The following ARL8B variants were observed in gnomAD, a reference collection of about 807,000 sequenced individuals.
The protein encoded by ARL8B is ARF like GTPase 8B, also known as ADP-ribosylation factor-like protein 8B.
In ARL8B, 9 loss-of-function variants were observed where a neutral mutation model predicts 30.6. That is an observed-to-expected ratio of 0.29 (90% CI 0.18 to 0.51). The LOEUF is 0.51. Among genes scored for constraint, ARL8B ranks in the 20% least tolerant of loss-of-function variants. The pLI is 0.97. For missense variants in ARL8B, 130 were observed against 227.2 expected, an observed-to-expected ratio of 0.57 and a Z score of 2.75; for synonymous variants, 74 against 76.0, an observed-to-expected ratio of 0.97 and a Z score of 0.14.
rs567563499 is a variant in ARL8B at position 5,167,479 on chromosome 3, A to G, written c.124-3024A>G. 2.0e-5 allele frequency among the ~76,000 whole-genome samples: 3 copies of G among 152,344 alleles called. No homozygotes were observed. The East Asian group carries it at 5.8e-4, about 29-fold the overall frequency. The stretch of plus-strand genomic sequence containing the variant: ...AGGGTTAGGTTCTATCTGTGATGTC[A>G]GGCATCCACTGGGGTTCTTGGAACG... On this transcript the variant is annotated intron_variant, in intron 1 of 6. Transcript: ENST00000256496.
intron 1 of ARL8B, among the ~76,000 whole-genome samples, chr3:5,164,727 C>A (rs537680391): frequency 3.9e-5 from 6 of 152,130 alleles, no homozygotes; most frequent in African/African-American, 1.4e-4. Flanking sequence ...GTCAGTTGAC[C>A]CAATAATATC....
At chr3:5,124,271 T>G (rs2054209968) in intron 1 of ARL8B, among the ~76,000 whole-genome samples, 1 of 144,922 alleles carries the variant, frequency 6.9e-6, no homozygotes, top group Non-Finnish European at 1.5e-5. Context: ...TTTTTTTTTT[T>G]TTTTTTTTTT....
intron 1 of ARL8B, among the ~76,000 whole-genome samples, chr3:5,159,252 A>T (rs1398634867): frequency 2.1e-5 from 3 of 142,996 alleles, no homozygotes; most frequent in African/African-American, 8.0e-5. Flanking sequence ...GTGAGCCACG[A>T]TCGCATCAGT....
intron 6 of ARL8B, among the ~76,000 whole-genome samples, chr3:5,175,720 C>T (rs1428266741): frequency 6.6e-6 from 1 of 152,150 alleles, no homozygotes; most frequent in South Asian, 2.1e-4. Flanking sequence ...GTAGAAGATC[C>T]CTCCTTGCCT....
Position 5,170,733 on chromosome 3 carries a change from T to G in ARL8B, c.204+150T>G, listed in dbSNP as rs568614469. On this transcript the variant is annotated intron_variant, in intron 2 of 6. Transcript: ENST00000256496. ...AAGAATAGGTTTTTTTGTTGTTGTT[T>G]TTTTGTTTTTTTTTTGGAAACAGAG... 59 of 591,338 alleles carry G rather than the reference T, an allele frequency of 1.0e-4. 1 individual carries two copies. The highest frequency in any genetic ancestry group is 4.9e-4 in the Admixed American group (14 of 28,476). The allele number at this position is 591,338 out of a possible 1,614,324, so 36.6% of individuals were successfully genotyped here.
rs57238575 is a variant in ARL8B at position 5,147,850 on chromosome 3, C to T, written c.124-22653C>T. 4.0e-5 allele frequency among the ~76,000 whole-genome samples: 6 copies of T among 151,154 alleles called. No individual in the cohort carries two copies. In the East Asian group the frequency reaches 9.7e-4, roughly 24 times the overall value. ...TAATTTTCTCATGTGATTTTTGAGC[C>T]TCTACAGGAATGCGGAGGGAATTTT... On this transcript the variant is annotated intron_variant, in intron 1 of 6. Transcript: ENST00000256496.
At chr3:5,142,111 A>G (rs757960492) in intron 1 of ARL8B, among the ~76,000 whole-genome samples, 32 of 152,134 alleles carry the variant, frequency 2.1e-4, no homozygotes, top group Non-Finnish European at 3.7e-4. Context: ...GGAATGGCCA[A>G]TTAGACTAAA....
At chr3:5,140,820 G>A (rs772067687) in intron 1 of ARL8B, among the ~76,000 whole-genome samples, 20 of 152,226 alleles carry the variant, frequency 1.3e-4, no homozygotes, top group South Asian at 4.2e-4. Flanking sequence ...GTTGGTTCAC[G>A]CCTGTGAGAA....
At chr3:5,170,411 TA>T (rs1030730052) in intron 1 of ARL8B, 91 bp from the exon 2 acceptor site, 4 of 755,616 alleles carry the variant, frequency 5.3e-6, no homozygotes, top group Non-Finnish European at 8.3e-6. Context: ...AAATATTTAC[TA>T]AAATGGTTAC....
At chr3:5,129,857 TTCTCTC>T (rs879714375) in intron 1 of ARL8B, among the ~76,000 whole-genome samples, 2 of 151,928 alleles carry the variant, frequency 1.3e-5, no homozygotes, top group East Asian at 3.9e-4. Context: ...ATTCTCCACA[TTCTCTC>T]TCTCTCTTTT....
intron 1 of ARL8B, among the ~76,000 whole-genome samples, chr3:5,122,851 G>C (rs768480928): frequency 2.0e-5 from 3 of 152,246 alleles, no homozygotes; most frequent in Admixed American, 6.5e-5. Context: ...CGCCGCGGGG[G>C]CTCGGAAAGA....
intron 1 of ARL8B, among the ~76,000 whole-genome samples, chr3:5,130,659 C>T (rs1469476884): frequency 6.6e-6 from 1 of 151,638 alleles, no homozygotes; most frequent in East Asian, 1.9e-4. Flanking sequence ...TCAGCCTCTC[C>T]CCAGTAGCTG....
intron 1 of ARL8B, among the ~76,000 whole-genome samples, chr3:5,166,576 A>G (rs1382370088): frequency 1.4e-5 from 2 of 142,042 alleles, no homozygotes; most frequent in Non-Finnish European, 3.1e-5. Flanking sequence ...GAGCTCAGGC[A>G]ATCCACCTGC....
At chr3:5,132,397 C>T (rs1453972785) in intron 1 of ARL8B, among the ~76,000 whole-genome samples, 1 of 152,098 alleles carries the variant, frequency 6.6e-6, no homozygotes, top group Non-Finnish European at 1.5e-5. Context: ...CCACCATGCC[C>T]TGCTAATTTT....
Position 5,123,093 on chromosome 3 carries a change from C to T in ARL8B, c.123+505C>T, listed in dbSNP as rs943575056. 3.3e-5 allele frequency among the ~76,000 whole-genome samples: 5 copies of T among 152,324 alleles called. No individual in the cohort carries two copies. In the Middle Eastern group the frequency reaches 0.014, roughly 414 times the overall value. On this transcript the variant is annotated intron_variant, in intron 1 of 6. Transcript: ENST00000256496. Reference sequence around the variant, plus strand: ...GCGGGAGACCAGTGTGAGCGCCTTCCTGAATTCTGTGGGCCGCTGGTCCCA... The same window carrying T: ...GCGGGAGACCAGTGTGAGCGCCTTCTTGAATTCTGTGGGCCGCTGGTCCCA...
At chr3:5,173,980 C>G (rs1417787998) in intron 4 of ARL8B, 37 bp from the exon 5 acceptor site, 1 of 1,457,594 alleles carries the variant, frequency 6.9e-7, no homozygotes, top group African/African-American at 1.4e-5. Context: ...CTTTTTCTTG[C>G]ATAAACGTGT....
chr3:5,143,365 G>T (rs2054391663), intron 1 of ARL8B, among the ~76,000 whole-genome samples: 1 of 152,128 alleles, frequency 6.6e-6, no homozygotes, highest in Non-Finnish European at 1.5e-5. Flanking sequence ...CTGCAATGTG[G>T]GAAAGAGCAG....
At chr3:5,151,828 C>T (rs1473151088) in intron 1 of ARL8B, among the ~76,000 whole-genome samples, 1 of 151,118 alleles carries the variant, frequency 6.6e-6, no homozygotes, top group Non-Finnish European at 1.5e-5. Flanking sequence ...AAGCAGTCCA[C>T]CCACGTCAGC....
intron 1 of ARL8B, among the ~76,000 whole-genome samples, chr3:5,169,056 C>T (rs986051250): frequency 6.6e-6 from 1 of 152,134 alleles, no homozygotes. Context: ...AATTGTCCCT[C>T]CCTGTATGAT....
Sources: allele counts gnomAD v4.1 joint callset (sites outside exome capture counted in the v4.1 genomes callset), GRCh38; gene constraint gnomAD v4.1.1; transcripts MANE v1.5; gene names NCBI Gene and HGNC (gene_info 2026-07-23, HGNC 2026-07-21).